Variants in ERC2 observed in about 807,000 individuals in gnomAD.
ERC2 encodes ELKS/RAB6-interacting/CAST family member 2.
Under a neutral mutation model 114.8 loss-of-function variants are expected in ERC2, and 42 were observed. The ratio of observed to expected loss-of-function variants is 0.37; its 90% CI spans 0.29 to 0.47. The LOEUF (loss-of-function observed/expected upper bound fraction) is 0.47. Ranked by LOEUF, ERC2 falls within the 20% of genes least tolerant of loss-of-function variation. The pLI is 0.99. For synonymous variants in ERC2, 454 were observed against 425.5 expected (o/e 1.07, Z -0.82); for missense variants, 939 against 1,150.7 (o/e 0.82, Z 2.66).
intron 14 of ERC2, among the ~76,000 whole-genome samples, chr3:55,811,966 G>C (rs539591954): frequency 6.6e-6 from 1 of 152,218 alleles, no homozygotes; most frequent in East Asian, 1.9e-4. Context: ...CCATCACCTA[G>C]GTATTCAGCT....
At chr3:56,421,149 T>A (rs2061375000) in intron 2 of ERC2, among the ~76,000 whole-genome samples, 1 of 152,178 alleles carries the variant, frequency 6.6e-6, no homozygotes, top group Non-Finnish European at 1.5e-5. Flanking sequence ...ACTGAAGTTG[T>A]TATTGAAATG....
intron 4 of ERC2, among the ~76,000 whole-genome samples, chr3:56,167,622 T>C (rs927106567): frequency 4.6e-5 from 7 of 152,252 alleles, no homozygotes; most frequent in Admixed American, 1.3e-4. Flanking sequence ...TTGCTTTATA[T>C]TGGGGGGTCC....
chr3:55,992,807 A>C (rs2071184239), intron 10 of ERC2, among the ~76,000 whole-genome samples: 1 of 152,198 alleles, frequency 6.6e-6, no homozygotes. Context: ...GGAGGCTTGG[A>C]GGTGAGGAAG....
At chr3:56,394,363 G>A (rs1379175199) in intron 2 of ERC2, among the ~76,000 whole-genome samples, 1 of 152,062 alleles carries the variant, frequency 6.6e-6, no homozygotes, top group Non-Finnish European at 1.5e-5. Context: ...GGTAACTCCA[G>A]TAACATAAAA....
At chr3:55,645,096 G>A (rs2060338632) in intron 17 of ERC2, among the ~76,000 whole-genome samples, 1 of 152,182 alleles carries the variant, frequency 6.6e-6, no homozygotes, top group Non-Finnish European at 1.5e-5. Context: ...AAAGTAAATA[G>A]TGGGAAAGAG....
At chr3:56,003,459 G>GAT (rs753422419) in intron 10 of ERC2, among the ~76,000 whole-genome samples, 2 of 152,124 alleles carry the variant, frequency 1.3e-5, no homozygotes, top group African/African-American at 2.4e-5. Flanking sequence ...CTCCAGCAAT[G>GAT]AATCAGAAGA....
At chr3:55,567,052 T>C (rs945376874) in intron 17 of ERC2, among the ~76,000 whole-genome samples, 2 of 152,198 alleles carry the variant, frequency 1.3e-5, no homozygotes, top group African/African-American at 4.8e-5. Flanking sequence ...ATATTCCAAG[T>C]GCTGGAAATC....
intron 3 of ERC2, among the ~76,000 whole-genome samples, chr3:56,228,418 A>C (rs1294884547): frequency 1.3e-5 from 2 of 152,178 alleles, no homozygotes; most frequent in African/African-American, 4.8e-5. Flanking sequence ...TGTCTCTATG[A>C]ATCTGACTGC....
At chr3:55,723,307 T>C (rs1352523680) in intron 15 of ERC2, among the ~76,000 whole-genome samples, 1 of 152,204 alleles carries the variant, frequency 6.6e-6, no homozygotes. Context: ...AGTGGGATTA[T>C]GGGTAACTTT....
At chr3:56,225,251 AG>A (rs1174458978) in intron 3 of ERC2, among the ~76,000 whole-genome samples, 1 of 152,118 alleles carries the variant, frequency 6.6e-6, no homozygotes, top group African/African-American at 2.4e-5. Flanking sequence ...AAATGAAAAA[AG>A]GGGGAAAAAA....
intron 17 of ERC2, among the ~76,000 whole-genome samples, chr3:55,654,474 A>G (rs1246122026): frequency 6.6e-6 from 1 of 152,248 alleles, no homozygotes; most frequent in Non-Finnish European, 1.5e-5. Flanking sequence ...CAATTTATTT[A>G]TTTATTGCTT....
intron 14 of ERC2, among the ~76,000 whole-genome samples, chr3:55,799,398 T>TATATATGC (rs2070798762): frequency 9.0e-5 from 9 of 99,502 alleles, no homozygotes; most frequent in African/African-American, 3.4e-4. Context: ...TATATATGCA[T>TATATATGC]ATATATATAT....
chr3:56,311,249 CTCTCTCTA>C (rs1212304104), intron 2 of ERC2, among the ~76,000 whole-genome samples: 207 of 41,918 alleles, frequency 4.9e-3, no homozygotes, highest in African/African-American at 0.015. Context: ...CTCTCTCTCT[CTCTCTCTA>C]TATATATATA....
chr3:56,111,037 A>C (rs1048191695), intron 6 of ERC2, among the ~76,000 whole-genome samples: 1 of 152,098 alleles, frequency 6.6e-6, no homozygotes, highest in Non-Finnish European at 1.5e-5. Flanking sequence ...ACAGTGGCTC[A>C]AGGACTCTAA....
intron 17 of ERC2, among the ~76,000 whole-genome samples, chr3:55,516,036 A>G (rs1295991712): frequency 1.3e-5 from 2 of 152,202 alleles, no homozygotes; most frequent in Non-Finnish European, 2.9e-5. Context: ...GTGTGCCCCC[A>G]GGTACAAAAA....
At chr3:55,696,344 G>A (rs557070424) in intron 16 of ERC2, among the ~76,000 whole-genome samples, 35 of 152,220 alleles carry the variant, frequency 2.3e-4, no homozygotes, top group Admixed American at 1.6e-3. Flanking sequence ...AGTCATTGTT[G>A]GTCAAGCCTT....
At chr3:55,726,308 T>G (rs2064912515) in intron 15 of ERC2, among the ~76,000 whole-genome samples, 1 of 152,220 alleles carries the variant, frequency 6.6e-6, no homozygotes, top group African/African-American at 2.4e-5. Flanking sequence ...CCCTACTGCA[T>G]GGGGTTCCTC....
intron 17 of ERC2, among the ~76,000 whole-genome samples, chr3:55,562,682 C>T (rs1399022159): frequency 6.6e-6 from 1 of 152,132 alleles, no homozygotes; most frequent in Non-Finnish European, 1.5e-5. Flanking sequence ...CCCAATTGCC[C>T]TCCCATCCCT....
Position 55,772,927 on chromosome 3 carries a change from T to C in ERC2, c.2565-38009A>G, listed in dbSNP as rs2149030426. 1.3e-5 allele frequency among the ~76,000 whole-genome samples: 2 copies of C among 152,308 alleles called. 1 individual carries two copies. The highest frequency in any genetic ancestry group is 4.1e-4 in the South Asian group (2 of 4,824). On this transcript the variant is annotated intron_variant, in intron 14 of 17. Coordinates refer to ENST00000288221, the MANE Select transcript of ERC2 (RefSeq NM_015576.3). ...TTTCCTGTTGGCCCTACCTTCAAAA[T>C]AGGTCCAAAGTGGACCATGACGCAC...
Sources: allele counts gnomAD v4.1 joint callset (sites outside exome capture counted in the v4.1 genomes callset), GRCh38; gene constraint gnomAD v4.1.1; transcripts MANE v1.5; gene names NCBI Gene and HGNC (gene_info 2026-07-23, HGNC 2026-07-21).